Variants in SH3PXD2B observed in about 807,000 individuals in gnomAD.
The protein encoded by SH3PXD2B is SH3 and PX domain-containing protein 2B.
A neutral mutation model predicts 73.1 loss-of-function variants in SH3PXD2B; 37 were observed. That is an observed-to-expected ratio of 0.51 (90% CI 0.39 to 0.67). SH3PXD2B has a LOEUF of 0.67. Among genes scored for constraint, SH3PXD2B ranks in the 30% least tolerant of loss-of-function variants. The pLI is 0.00. For missense variants in SH3PXD2B, 1,053 were observed against 1,197.8 expected (o/e 0.88, Z 1.78); for synonymous variants, 457 against 480.5 (o/e 0.95, Z 0.64).
chr5:172,391,890 A>C (rs1433161687), intron 4 of SH3PXD2B, among the ~76,000 whole-genome samples: 1 of 152,214 alleles, frequency 6.6e-6, no homozygotes, highest in Non-Finnish European at 1.5e-5. Context: ...AACTCTGCCC[A>C]ACTCAAGGTC....
At chr5:172,411,362 C>T (rs1397517051) in intron 2 of SH3PXD2B, among the ~76,000 whole-genome samples, 1 of 152,182 alleles carries the variant, frequency 6.6e-6, no homozygotes, top group Non-Finnish European at 1.5e-5. Flanking sequence ...GTCTCTACTG[C>T]CTGGTCTTAA....
At chr5:172,349,849 CCT>C (rs543045680) in intron 10 of SH3PXD2B, among the ~76,000 whole-genome samples, 29 of 151,972 alleles carry the variant, frequency 1.9e-4, no homozygotes, top group Non-Finnish European at 3.1e-4. Flanking sequence ...CAACGCCTCC[CCT>C]TTTTTTTTCT....
At position 172,339,674 on chromosome 5, in the gene SH3PXD2B, G is replaced by A; in HGVS notation, c.1431C>T (p.Val477=). The change falls in exon 13 of 13, where the codon GTC becomes GTT. Residue 477 remains valine (V), a synonymous_variant. Transcript: ENST00000311601. The surrounding 1 kb of genome is among the most constrained non-coding windows in gnomAD (Gnocchi z 6.1). ...SRPLPDAPHG[V]MDSGLPWSKD... ...TAGACCATGGCAACCCCGAGTCCAT[G>A]ACACCATGCGGTGCGTCAGGCAGGG... is the stretch of plus-strand genomic sequence containing the variant. 1 of 1,614,230 alleles carries A rather than the reference G, an allele frequency of 6.2e-7. No individual in the cohort carries two copies. The highest frequency in any genetic ancestry group is 8.5e-7 in the Non-Finnish European group (1 of 1,180,054).
intron 8 of SH3PXD2B, among the ~76,000 whole-genome samples, chr5:172,355,428 G>A (rs909692601): frequency 6.6e-6 from 1 of 152,186 alleles, no homozygotes; most frequent in Non-Finnish European, 1.5e-5. Context: ...CAGAAGTTCT[G>A]TTTGGTCCAG....
intron 12 of SH3PXD2B, among the ~76,000 whole-genome samples, chr5:172,345,826 C>G (rs1756984907): frequency 6.6e-6 from 1 of 152,054 alleles, no homozygotes; most frequent in Non-Finnish European, 1.5e-5. Context: ...TCTATGGGGA[C>G]AGAAAGTGGA....
At position 172,336,741 on chromosome 5, in the gene SH3PXD2B, G is replaced by C. The variant is rs1756705448; in HGVS notation, c.*1628C>G. The C allele has an allele frequency of 1.0e-6, 1 of 985,632 alleles. No individual in the cohort carries two copies. Among genetic ancestry groups the C allele is most frequent in the Admixed American group, 6.1e-5 (1 of 16,276 alleles). The allele number at this position is 985,632 out of a possible 1,614,324, so 61.1% of individuals were successfully genotyped here. A position where few individuals can be genotyped will look rare whatever the true frequency, so the allele number is the denominator to read the frequency against. The stretch of plus-strand genomic sequence containing the variant: ...AGGGCAGGGCTGCCTCGGTCGGGTA[G>C]AATGGGAAGGGGTTCTGCTCTGCTC... On this transcript the variant is annotated 3_prime_UTR_variant, in exon 13 of 13. Transcript: ENST00000311601.
chr5:172,432,547 A>G (rs1759272429), intron 1 of SH3PXD2B, among the ~76,000 whole-genome samples: 1 of 152,190 alleles, frequency 6.6e-6, no homozygotes, highest in African/African-American at 2.4e-5. Context: ...AATGCCCACA[A>G]AAGTGCTTCG....
Position 172,339,123 on chromosome 5 carries a change from A to G in SH3PXD2B, c.1982T>C (p.Val661Ala). The change falls in exon 13 of 13, where the codon GTC becomes GCC. Residue 661 changes from valine to alanine, a missense_variant. Physicochemically the swap from Val to Ala is moderately conservative, Grantham distance 64. Transcript: ENST00000311601. The surrounding 1 kb of genome is among the most constrained non-coding windows in gnomAD (Gnocchi z 6.1). ...KTEPPQGEDQ[V>A]DICNLRSKLR... ...CTTACTCCTGAGGTTGCAGATGTCG[A>G]CTTGGTCTTCGCCCTGAGGTGGCTC... The G allele has an allele frequency of 1.2e-6, 2 of 1,614,186 alleles. No homozygotes were observed. The highest frequency in any genetic ancestry group is 1.3e-5 in the African/African-American group (1 of 75,042).
rs943299152 is a variant in SH3PXD2B at position 172,333,915 on chromosome 5, G to A, written c.*4454C>T. 12 of 1,259,110 alleles carry A rather than the reference G, an allele frequency of 9.5e-6. No individual in the cohort carries two copies. The highest frequency in any genetic ancestry group is 9.4e-5 in the African/African-American group (6 of 63,658). 78.0% of individuals were successfully genotyped at this position (1,259,110 alleles called of 1,614,324 possible). A position where few individuals can be genotyped will look rare whatever the true frequency, so the allele number is the denominator to read the frequency against. ...ATTACACGGGCACAAAGGCATACAT[G>A]GGCACACACTGGGGTAAAATGTGGA... On this transcript the variant is annotated 3_prime_UTR_variant, in exon 13 of 13. Coordinates refer to ENST00000311601, the MANE Select transcript of SH3PXD2B (RefSeq NM_001017995.3).
downstream of SH3PXD2B, among the ~76,000 whole-genome samples, chr5:172,330,344 A>AC (rs1418095703): frequency 6.6e-5 from 10 of 152,192 alleles, no homozygotes; most frequent in African/African-American, 2.2e-4. Context: ...AATTTGGGTG[A>AC]AGGATGTGGC....
At chr5:172,405,965 T>G (rs923135014) in intron 3 of SH3PXD2B, among the ~76,000 whole-genome samples, 2 of 152,208 alleles carry the variant, frequency 1.3e-5, no homozygotes, top group African/African-American at 4.8e-5. Flanking sequence ...TAGCATCTAA[T>G]GCCAAAACCC....
chr5:172,329,075 A>ATT, downstream of SH3PXD2B, among the ~76,000 whole-genome samples: 1 of 71,118 alleles, frequency 1.4e-5, no homozygotes, highest in African/African-American at 5.5e-5. Flanking sequence ...ATATATATAT[A>ATT]TATATATATT....
At chr5:172,415,256 T>C (rs145067160) in intron 2 of SH3PXD2B, among the ~76,000 whole-genome samples, 115 of 152,308 alleles carry the variant, frequency 7.6e-4, no homozygotes, top group African/African-American at 2.6e-3. Flanking sequence ...AGACAAAGGT[T>C]GCACGGTACA....
At chr5:172,450,764 C>A (rs552279301) in intron 1 of SH3PXD2B, among the ~76,000 whole-genome samples, 9 of 152,112 alleles carry the variant, frequency 5.9e-5, no homozygotes, top group South Asian at 2.1e-4. Flanking sequence ...CTTCCTCCCC[C>A]CAAGCTGAAG....
chr5:172,339,433 C>G lies in SH3PXD2B; in HGVS notation c.1672G>C (p.Gly558Arg), dbSNP rs536952235. 6.2e-7 allele frequency: 1 copy of G among 1,614,138 alleles called. No individual in the cohort carries two copies. The highest frequency in any genetic ancestry group is 1.1e-5 in the South Asian group (1 of 91,084). ...QLRGPTPKPP[G>R]VILPMMPAKH... ...GCTGGCATCATCGGCAAAATCACGCCCGGAGGCTTGGGAGTGGGGCCCCGG... is the reference window on the plus strand; with the variant it reads ...GCTGGCATCATCGGCAAAATCACGCGCGGAGGCTTGGGAGTGGGGCCCCGG... Residue 558 changes from glycine (G) to arginine (R), a missense_variant, in exon 13 of 13, where the codon GGC becomes CGC. By Grantham distance (125) the Gly-to-Arg change is moderately radical. Around this residue, in one of 2 missense-constraint regions of SH3PXD2B, gnomAD observed 587 missense variants for 590.7 expected, o/e 0.99. Coordinates refer to ENST00000311601, the MANE Select transcript of SH3PXD2B (RefSeq NM_001017995.3). The surrounding 1 kb of genome is among the most constrained non-coding windows in gnomAD (Gnocchi z 6.1).
At chr5:172,399,792 TTC>T (rs753720158) in intron 3 of SH3PXD2B, among the ~76,000 whole-genome samples, 1 of 152,222 alleles carries the variant, frequency 6.6e-6, no homozygotes, top group Non-Finnish European at 1.5e-5. Context: ...TCCTTATACT[TTC>T]TGTCTCACCA....
intron 6 of SH3PXD2B, among the ~76,000 whole-genome samples, chr5:172,364,237 TG>T (rs1342829813): frequency 6.6e-6 from 1 of 152,002 alleles, no homozygotes; most frequent in African/African-American, 2.4e-5. Context: ...AGGCTAAATG[TG>T]GGGGAAGGGC....
chr5:172,357,660 C>T (rs115643627), intron 8 of SH3PXD2B, among the ~76,000 whole-genome samples: 27 of 152,084 alleles, frequency 1.8e-4, no homozygotes, highest in Admixed American at 1.7e-3. Flanking sequence ...CACTACATCA[C>T]GACCCCTTAA....
intron 1 of SH3PXD2B, among the ~76,000 whole-genome samples, chr5:172,434,931 G>A (rs568350848): frequency 1.8e-3 from 269 of 152,130 alleles, no homozygotes; most frequent in African/African-American, 6.1e-3. Context: ...TTACAGGCAT[G>A]CACCACCATG....
Sources: gnomAD v4.1 joint callset for allele counts (sites outside exome capture counted in the v4.1 genomes callset) on GRCh38, gnomAD v4.1.1 for gene constraint, gnomAD v4.1.1 regional missense constraint, Gnocchi (gnomAD v3.1) non-coding constraint, MANE v1.5 for transcripts, NCBI Gene and HGNC (gene_info 2026-07-23, HGNC 2026-07-21) for gene names.